FBLN1: variants seen among roughly 807,000 people sequenced by gnomAD.
FBLN1 encodes fibulin-1.
In FBLN1, 34 loss-of-function variants were observed where a neutral mutation model predicts 89.7. The ratio of observed to expected loss-of-function variants is 0.38; its 90% confidence interval spans 0.29 to 0.50. FBLN1 has a LOEUF of 0.50. Ranked by LOEUF, FBLN1 falls within the 20% of genes least tolerant of loss-of-function variation. The probability of loss-of-function intolerance (pLI) is 0.92; values close to 1 mark genes in which losing one functional copy is unlikely to be tolerated. For missense variants in FBLN1, 777 were observed against 988.1 expected (o/e 0.79, Z 2.86); for synonymous variants, 393 against 391.3 (o/e 1.00, Z -0.05).
rs577692087 is a variant in FBLN1, at chr22:45,599,240, T to G, written c.1973-1067T>G. On this transcript the variant is annotated intron_variant, in intron 16 of 16. Transcript: ENST00000327858. The stretch of plus-strand genomic sequence containing the variant: ...GAGCTCCCTGCAACCCCCAGCTGTT[T>G]CCCCAGAACTGACACCAGTCTCCCT... Among the ~76,000 whole-genome samples, 45 of 152,296 alleles carry G rather than the reference T, an allele frequency of 3.0e-4. 1 individual carries two copies. The highest frequency in any genetic ancestry group is 1.1e-3 in the African/African-American group (45 of 41,570).
rs1048595859 is a variant in FBLN1 at position 45,530,867 on chromosome 22, G to A, written c.485-398G>A. On this transcript the variant is annotated intron_variant, in intron 4 of 16. Transcript: ENST00000327858. The surrounding 1 kb of genome is among the most constrained non-coding windows in gnomAD (Gnocchi z 5.4). ...CAACCTCCGACTCCTGAGTTCAAGC[G>A]ATTATCCTGCCTCAACTTCCTGAGT... is the stretch of plus-strand genomic sequence containing the variant. Among the ~76,000 whole-genome samples, 6 of 152,114 alleles carry A rather than the reference G, an allele frequency of 3.9e-5. No homozygotes were observed. The highest frequency in any genetic ancestry group is 2.0e-4 in the Admixed American group (3 of 15,286).
chr22:45,533,360 A>G (rs1017901813), intron 6 of FBLN1, among the ~76,000 whole-genome samples, 196 bp downstream of exon 6: 2 of 152,154 alleles, frequency 1.3e-5, no homozygotes, highest in Non-Finnish European at 2.9e-5. Flanking sequence ...CTCCAAGACA[A>G]TATAAGCACT....
chr22:45,579,476 G>A lies in FBLN1; in HGVS notation c.1972+2368G>A, dbSNP rs2089025366. On this transcript the variant is annotated intron_variant, in intron 16 of 16. Coordinates refer to ENST00000327858, the MANE Select transcript of FBLN1 (RefSeq NM_006486.3). The surrounding 1 kb of genome is among the most constrained non-coding windows in gnomAD (Gnocchi z 5.5). ...CCCAGCGGCTTCCCCCGGCACAGTT[G>A]GTCACGGGTGCCCTGGTCTTTGGAA... Among the ~76,000 whole-genome samples the A allele has an allele frequency of 1.3e-5, 2 of 152,266 alleles. No individual in the cohort carries two copies. The highest frequency in any genetic ancestry group is 2.1e-4 in the South Asian group (1 of 4,836).
chr22:45,600,375 G>A lies in FBLN1; in HGVS notation c.2041G>A (p.Val681Met), dbSNP rs1163673216. ...HAVLKLEMNY[V>M]VGGVVSHRNV... ...CGTCCTGAAGCTGGAGATGAACTATGTGGTCGGGGGCGTGGTCTCCCACCG... is the reference window on the plus strand; with the variant it reads ...CGTCCTGAAGCTGGAGATGAACTATATGGTCGGGGGCGTGGTCTCCCACCG... The change falls in exon 17 of 17, where the codon GTG becomes ATG. Residue 681 changes from valine to methionine, a missense_variant. Coordinates refer to ENST00000327858, the MANE Select transcript of FBLN1 (RefSeq NM_006486.3). 1 of 1,614,166 alleles carries A rather than the reference G, an allele frequency of 6.2e-7. No individual in the cohort carries two copies. The highest frequency in any genetic ancestry group is 1.1e-5 in the South Asian group (1 of 91,082).
At chr22:45,595,132 C>T (rs1399598934) in intron 16 of FBLN1, among the ~76,000 whole-genome samples, 1 of 152,052 alleles carries the variant, frequency 6.6e-6, no homozygotes, top group African/African-American at 2.4e-5. Flanking sequence ...GAAACCTGTT[C>T]CCCAAACCAG....
At chr22:45,582,316 AC>A (rs2089049279) in intron 16 of FBLN1, among the ~76,000 whole-genome samples, 1 of 152,210 alleles carries the variant, frequency 6.6e-6, no homozygotes, top group African/African-American at 2.4e-5. Context: ...CTCCTTTCAC[AC>A]AGTCACAGTG....
chr22:45,547,665 G>C (rs1253033539), intron 12 of FBLN1, among the ~76,000 whole-genome samples: 2 of 151,930 alleles, frequency 1.3e-5, no homozygotes, highest in African/African-American at 4.8e-5. Flanking sequence ...CTCCCAAATT[G>C]CTGGGATTAC....
At chr22:45,526,043 A>T (rs1194561779) in intron 3 of FBLN1, among the ~76,000 whole-genome samples, 2 of 152,158 alleles carry the variant, frequency 1.3e-5, no homozygotes, top group African/African-American at 4.8e-5. Context: ...CCCTCACCCT[A>T]CCCAGGAGGC....
Position 45,590,226 on chromosome 22 carries a change from TCCC to T in FBLN1, c.1973-10076_1973-10074del, listed in dbSNP as rs1001842599. ...GGCTGCCCGCCAGGCCAGCCTCTCT[TCCC>T]CCCCATCCCTCCAGACCTTCATTGC... On this transcript the variant is annotated intron_variant, in intron 16 of 16. Coordinates refer to ENST00000327858, the MANE Select transcript of FBLN1 (RefSeq NM_006486.3). The surrounding 1 kb of genome is among the most constrained non-coding windows in gnomAD (Gnocchi z 4.1). Among the ~76,000 whole-genome samples, 1 of 151,960 alleles carries T rather than the reference TCCC, an allele frequency of 6.6e-6. No individual in the cohort carries two copies. Among genetic ancestry groups the T allele is most frequent in the African/African-American group, 2.4e-5 (1 of 41,366 alleles).
At chr22:45,542,091 T>A in intron 9 of FBLN1, 64 bp from the exon 10 acceptor site, 1 of 1,612,200 alleles carries the variant, frequency 6.2e-7, no homozygotes, top group Non-Finnish European at 8.5e-7. Flanking sequence ...TCCTTTCTGA[T>A]CATCTTGGGG....
Position 45,600,414 on chromosome 22 carries a change from G to T in FBLN1, c.2080G>T (p.Val694Phe). The T allele has an allele frequency of 6.2e-7, 1 of 1,614,184 alleles. No individual in the cohort carries two copies. Residue 694 changes from valine (V) to phenylalanine (F), a missense_variant, in exon 17 of 17, where the codon GTC (valine) becomes TTC (phenylalanine). Coordinates refer to ENST00000327858, the MANE Select transcript of FBLN1 (RefSeq NM_006486.3). ...GVVSHRNVVNVHIFVSEYWF is the reference protein window; with the variant it reads ...GVVSHRNVVNFHIFVSEYWF The stretch of plus-strand genomic sequence containing the variant: ...GGTCTCCCACCGAAATGTTGTCAAC[G>T]TCCACATCTTCGTCTCTGAGTACTG...
chr22:45,596,210 TGAGA>T (rs1192733181), intron 16 of FBLN1, among the ~76,000 whole-genome samples: 7 of 152,192 alleles, frequency 4.6e-5, no homozygotes, highest in African/African-American at 1.7e-4. Context: ...AAGAGGAAAT[TGAGA>T]CTCAGGAAGG....
intron 3 of FBLN1, among the ~76,000 whole-genome samples, chr22:45,527,607 G>A (rs746140562): frequency 1.3e-5 from 2 of 152,062 alleles, no homozygotes; most frequent in Non-Finnish European, 2.9e-5. Context: ...GAGGGGAGGT[G>A]GATGCCAGGC....
intron 9 of FBLN1, 93 bp downstream of exon 9, chr22:45,541,465 A>G: frequency 2.6e-6 from 4 of 1,510,426 alleles, no homozygotes; most frequent in Non-Finnish European, 3.6e-6. Flanking sequence ...TGATCCCCAA[A>G]GCAAAGCCAT....
chr22:45,535,369 A>G, intron 8 of FBLN1, 32 bp downstream of exon 8: 1 of 1,613,584 alleles, frequency 6.2e-7, no homozygotes. Flanking sequence ...TTAGCGGGTT[A>G]TTCCAGGAGG....
intron 1 of FBLN1, among the ~76,000 whole-genome samples, chr22:45,511,460 T>TA (rs1400109469): frequency 2.7e-5 from 4 of 150,342 alleles, no homozygotes; most frequent in Non-Finnish European, 4.4e-5. Context: ...GGCTTTTTTT[T>TA]TTTTTTTAGA....
intron 14 of FBLN1, chr22:45,564,830 G>A: frequency 6.2e-7 from 1 of 1,608,458 alleles, no homozygotes; most frequent in Non-Finnish European, 8.5e-7. Flanking sequence ...GCCAGCCCTG[G>A]CTTATGTCAC....
intron 1 of FBLN1, among the ~76,000 whole-genome samples, chr22:45,507,479 A>G (rs1822777349): frequency 6.6e-6 from 1 of 152,194 alleles, no homozygotes; most frequent in Non-Finnish European, 1.5e-5. Flanking sequence ...TCGTCATCTC[A>G]GCAGCCCTAC....
In FBLN1 at chr22:45,583,133, G is replaced by A. The variant is rs1339783005; in HGVS notation, c.1972+6025G>A. Among the ~76,000 whole-genome samples the A allele has an allele frequency of 1.3e-5, 2 of 152,166 alleles. No individual in the cohort carries two copies. The highest frequency in any genetic ancestry group is 4.8e-5 in the African/African-American group (2 of 41,438). On this transcript the variant is annotated intron_variant, in intron 16 of 16. Transcript: ENST00000327858. The surrounding 1 kb of genome is among the most constrained non-coding windows in gnomAD (Gnocchi z 4.5). ...ATCACCATTTATGTAAGAAAAAAAAGGAAGTGCTGGCCCAGGGTCCCACAG... is the reference window on the plus strand; with the variant it reads ...ATCACCATTTATGTAAGAAAAAAAAAGAAGTGCTGGCCCAGGGTCCCACAG...
Sources: gnomAD v4.1 joint callset for allele counts (sites outside exome capture counted in the v4.1 genomes callset) on GRCh38, gnomAD v4.1.1 for gene constraint, Gnocchi (gnomAD v3.1) non-coding constraint, MANE v1.5 for transcripts, NCBI Gene and HGNC (gene_info 2026-07-23, HGNC 2026-07-21) for gene names.